KNL1: variants seen among roughly 807,000 people sequenced by gnomAD.
The protein encoded by KNL1 is kinetochore scaffold 1, also known as outer kinetochore KNL1 complex subunit KNL1.
KNL1 carries 66 observed loss-of-function variants against 201.3 expected under a neutral mutation model. The observed-to-expected ratio is 0.33, with a 90% CI of 0.27 to 0.40. The LOEUF is 0.40. KNL1 is among the 10% of genes least tolerant of loss of function. The probability of loss-of-function intolerance (pLI) is 1.00; values close to 1 mark genes in which losing one functional copy is unlikely to be tolerated. For synonymous variants in KNL1, 895 were observed against 899.2 expected, an observed-to-expected ratio of 1.00 and a Z score of 0.08; for missense variants, 2,815 against 2,690.5, an observed-to-expected ratio of 1.05 and a Z score of -1.02.
chr15:40,603,218 T>C (rs1891865386), intron 2 of KNL1, among the ~76,000 whole-genome samples: 1 of 152,210 alleles, frequency 6.6e-6, no homozygotes, highest in African/African-American at 2.4e-5. Flanking sequence ...GTATTTCTCC[T>C]AATGCTATCC....
In KNL1 at chr15:40,596,300, G is replaced by A. The variant is rs1398136649; in HGVS notation, c.-18+1908G>A. 4.6e-5 allele frequency among the ~76,000 whole-genome samples: 7 copies of A among 152,048 alleles called. No homozygotes were observed. In the East Asian group the frequency reaches 9.7e-4, roughly 21 times the overall value. On this transcript the variant is annotated intron_variant, in intron 1 of 25. Coordinates refer to ENST00000399668, the MANE Select transcript of KNL1 (RefSeq NM_144508.5). The stretch of plus-strand genomic sequence containing the variant: ...ATTTATTTATTCTTTTTTGTGAGAC[G>A]GAGTCTCGCTCTGTCACCCAGGCTG...
Position 40,636,486 on chromosome 15 carries a change from G to A in KNL1, c.5683-4426G>A, listed in dbSNP as rs147515470. Among the ~76,000 whole-genome samples the A allele has an allele frequency of 5.3e-4, 81 of 152,182 alleles. No individual in the cohort carries two copies. In the East Asian group the frequency reaches 0.014, roughly 27 times the overall value. Reference sequence around the variant, plus strand: ...AAAATTTCAAACATATCAGAAAATAGAGAATAGTTTTATTAACCCCCTGTG... The same window carrying A: ...AAAATTTCAAACATATCAGAAAATAAAGAATAGTTTTATTAACCCCCTGTG... On this transcript the variant is annotated intron_variant, in intron 13 of 25. Transcript: ENST00000399668.
intron 1 of KNL1, among the ~76,000 whole-genome samples, chr15:40,599,473 T>TC (rs1453267820): frequency 6.7e-6 from 1 of 148,248 alleles, no homozygotes; most frequent in Non-Finnish European, 1.5e-5. Context: ...AGCCTCTGCC[T>TC]CCCAGGGTCA....
At position 40,624,435 on chromosome 15, in the gene KNL1, C is replaced by A. The variant is rs1403305274; in HGVS notation, c.4171C>A (p.Leu1391Met). Reference sequence around the variant, plus strand: ...TATAACACTGCACAAAGATCAAGATCTGATTAAGGATCCACGAAATCTATT... The same window carrying A: ...TATAACACTGCACAAAGATCAAGATATGATTAAGGATCCACGAAATCTATT... ...CVITLHKDQD[L>M]IKDPRNLLAN... The change falls in exon 10 of 26, where the codon CTG (leucine) becomes ATG (methionine). Residue 1391 changes from leucine to methionine, a missense_variant. By Grantham distance (15) the Leu-to-Met change is conservative. Coordinates refer to ENST00000399668, the MANE Select transcript of KNL1 (RefSeq NM_144508.5). The A allele has an allele frequency of 1.9e-6, 3 of 1,613,896 alleles. No homozygotes were observed. The highest frequency in any genetic ancestry group is 2.5e-6 in the Non-Finnish European group (3 of 1,179,888).
At chr15:40,637,429 T>G (rs1046845211) in intron 13 of KNL1, among the ~76,000 whole-genome samples, 4 of 151,590 alleles carry the variant, frequency 2.6e-5, no homozygotes, top group African/African-American at 9.7e-5. Context: ...TAATGTCTGG[T>G]GATGACGTGT....
chr15:40,616,125 CT>C (rs34211041), intron 8 of KNL1, among the ~76,000 whole-genome samples: 1,825 of 133,386 alleles, frequency 0.014, 8 homozygotes, highest in Middle Eastern at 0.051. Context: ...ACTATTACTT[CT>C]TTTTTTTTTT....
intron 21 of KNL1, among the ~76,000 whole-genome samples, 171 bp from the exon 22 acceptor site, chr15:40,654,738 G>A (rs953761756): frequency 2.6e-5 from 4 of 152,022 alleles, no homozygotes; most frequent in South Asian, 2.1e-4. Flanking sequence ...GTGTGGTGGC[G>A]GGCGCCTGTA....
rs191249840 is a variant in KNL1, at chr15:40,625,535, C to T, written c.5271C>T (p.Cys1757=). The T allele has an allele frequency of 4.3e-4, 685 of 1,607,592 alleles. 2 individuals are homozygous for T. The African/African-American group carries it at 7.4e-3, about 17-fold the overall frequency. The part of the protein sequence containing the change: ...SPYENKMGKT[C]NSQKRTWVQE... ...ATGAAAATAAAATGGGAAAAACTTG[C>T]AATAGCCAAAAAAGAACGTGGGTAC... Residue 1757 remains cysteine (C), a synonymous_variant, in exon 10 of 26, where the codon TGC becomes TGT. Transcript: ENST00000399668.
At chr15:40,607,953 T>C (rs771568220) in intron 4 of KNL1, among the ~76,000 whole-genome samples, 2 of 151,780 alleles carry the variant, frequency 1.3e-5, no homozygotes, top group Non-Finnish European at 2.9e-5. Context: ...TGGATATATA[T>C]CCAAAAGAAT....
In KNL1 at chr15:40,659,319, G is replaced by A; in HGVS notation, c.6714-20G>A. 1 of 1,554,640 alleles carries A rather than the reference G, an allele frequency of 6.4e-7. No individual in the cohort carries two copies. The highest frequency in any genetic ancestry group is 1.4e-5 in the African/African-American group (1 of 72,228). On this transcript the variant is annotated intron_variant, in intron 24 of 25. Transcript: ENST00000399668. Reference sequence around the variant, plus strand: ...GCTATTATTTGTTGCATTTTTAATTGTGGATCTTGTCTTTTACAGATTGAG... The same window carrying A: ...GCTATTATTTGTTGCATTTTTAATTATGGATCTTGTCTTTTACAGATTGAG...
intron 14 of KNL1, among the ~76,000 whole-genome samples, chr15:40,644,368 G>A (rs1225708869): frequency 2.0e-5 from 3 of 152,308 alleles, no homozygotes; most frequent in African/African-American, 4.8e-5. Context: ...ACCATAGGGC[G>A]GTTTTTCTCC....
Position 40,651,490 on chromosome 15 carries a change from G to T in KNL1, c.6232G>T (p.Val2078Leu), listed in dbSNP as rs1206456219. 1 of 1,605,816 alleles carries T rather than the reference G, an allele frequency of 6.2e-7. No individual in the cohort carries two copies. Among genetic ancestry groups the T allele is most frequent in the Non-Finnish European group, 8.5e-7 (1 of 1,177,304 alleles). The change falls in exon 20 of 26, where the codon GTA (valine) becomes TTA (leucine). Residue 2078 changes from valine to leucine, a missense_variant. This residue lies in a region of KNL1 where 334 missense variants were observed against 362.6 expected (regional missense o/e 0.92). Transcript: ENST00000399668. ...TTGCAGAAATCTCTTAGAACTGGAG[G>T]TACAAAAAGAGCAGACCCTTGCTCA... ...ELQRNLLELE[V>L]QKEQTLAQID...
intron 2 of KNL1, among the ~76,000 whole-genome samples, chr15:40,603,403 C>G (rs1178413925): frequency 6.6e-6 from 1 of 152,172 alleles, no homozygotes; most frequent in Non-Finnish European, 1.5e-5. Flanking sequence ...CATGTCCCTA[C>G]AAAGTACATG....
intron 25 of KNL1, among the ~76,000 whole-genome samples, chr15:40,659,844 C>T (rs1893852459): frequency 6.6e-6 from 1 of 150,700 alleles, no homozygotes; most frequent in Non-Finnish European, 1.5e-5. Flanking sequence ...AATTAGTGGA[C>T]CATAGTGAGA....
At chr15:40,620,405 G>A (rs1338746608) in intron 9 of KNL1, among the ~76,000 whole-genome samples, 1 of 151,954 alleles carries the variant, frequency 6.6e-6, no homozygotes, top group Non-Finnish European at 1.5e-5. Flanking sequence ...TAGAGACGGG[G>A]TTTCACCATG....
chr15:40,621,692 T>C lies in KNL1; in HGVS notation c.1428T>C (p.Thr476=). 5.6e-6 allele frequency: 9 copies of C among 1,610,512 alleles called. No homozygotes were observed. Among genetic ancestry groups the C allele is most frequent in the Non-Finnish European group, 6.8e-6 (8 of 1,177,044 alleles). ...CTATGTCTTCTCTCACAGAGAAAAC[T>C]ATTTATTCCGGAGAGGAGAACATGG... ...PDAMSSLTEK[T]IYSGEENMDI... The change falls in exon 10 of 26, where the codon ACT becomes ACC. Residue 476 remains threonine (T), a synonymous_variant. Coordinates refer to ENST00000399668, the MANE Select transcript of KNL1 (RefSeq NM_144508.5).
intron 1 of KNL1, among the ~76,000 whole-genome samples, chr15:40,597,574 C>T (rs1187902153): frequency 1.3e-5 from 2 of 152,130 alleles, no homozygotes; most frequent in Non-Finnish European, 2.9e-5. Flanking sequence ...CGCACCAGGC[C>T]CCGGGAACCA....
chr15:40,617,108 C>T lies in KNL1; in HGVS notation c.322+1730C>T, dbSNP rs182368198. On this transcript the variant is annotated intron_variant, in intron 8 of 25. Transcript: ENST00000399668. ...GGATTACAGGCACGTGCCACCAGGC[C>T]GAGCTGATTTTTGTATTTTTAGTAG... Among the ~76,000 whole-genome samples the T allele has an allele frequency of 1.4e-4, 22 of 152,172 alleles. 1 individual carries two copies. In the East Asian group the frequency reaches 2.1e-3, roughly 15 times the overall value.
intron 1 of KNL1, 95 bp from the exon 2 acceptor site, chr15:40,602,820 A>G: frequency 1.5e-6 from 1 of 680,460 alleles, no homozygotes; most frequent in Non-Finnish European, 2.5e-6. Context: ...TCAGAAAGTA[A>G]CCCTGAAGTC....
Sources: gnomAD v4.1 joint callset for allele counts (sites outside exome capture counted in the v4.1 genomes callset) on GRCh38, gnomAD v4.1.1 for gene constraint, gnomAD v4.1.1 regional missense constraint, MANE v1.5 for transcripts, NCBI Gene and HGNC (gene_info 2026-07-23, HGNC 2026-07-21) for gene names.